LRMDA: variants seen among roughly 807,000 people sequenced by gnomAD.
LRMDA encodes leucine rich melanocyte differentiation associated.
Under a neutral mutation model 29.8 loss-of-function variants are expected in LRMDA, and 18 were observed. The ratio of observed to expected loss-of-function variants is 0.60; its 90% CI spans 0.42 to 0.90. The LOEUF is 0.90. LRMDA is among the 40% of genes least tolerant of loss of function. The probability of loss-of-function intolerance (pLI) is 0.00; values close to 1 mark genes in which losing one functional copy is unlikely to be tolerated. For missense variants in LRMDA, 273 were observed against 273.9 expected, an observed-to-expected ratio of 1.00 and a Z score of 0.02; for synonymous variants, 125 against 109.4, an observed-to-expected ratio of 1.14 and a Z score of -0.89.
At chr10:76,478,045 G>C (rs1326745939) in intron 6 of LRMDA, among the ~76,000 whole-genome samples, 1 of 152,100 alleles carries the variant, frequency 6.6e-6, no homozygotes, top group Non-Finnish European at 1.5e-5. Context: ...AGCCAAAATT[G>C]AGAAATGGGA....
At chr10:75,556,744 G>T (rs1840218687) in intron 2 of LRMDA, among the ~76,000 whole-genome samples, 2 of 134,436 alleles carry the variant, frequency 1.5e-5, no homozygotes, top group Non-Finnish European at 3.2e-5. Context: ...CCATGTGGTT[G>T]CATGATTGTT....
At chr10:76,000,372 C>T (rs1036024771) in intron 2 of LRMDA, among the ~76,000 whole-genome samples, 7 of 152,118 alleles carry the variant, frequency 4.6e-5, no homozygotes, top group African/African-American at 1.4e-4. Context: ...GCCTCCCTCC[C>T]GGTGGAGGTG....
At chr10:76,028,289 TG>T (rs1419539872) in intron 2 of LRMDA, among the ~76,000 whole-genome samples, 1 of 152,200 alleles carries the variant, frequency 6.6e-6, no homozygotes, top group East Asian at 1.9e-4. Context: ...CCAAGGTTTT[TG>T]GTCATTTTTC....
intron 6 of LRMDA, among the ~76,000 whole-genome samples, chr10:76,424,625 A>G (rs1842105160): frequency 6.6e-6 from 1 of 152,220 alleles, no homozygotes; most frequent in African/African-American, 2.4e-5. Context: ...TTGCAAAAAT[A>G]TCTTCACTTT....
At chr10:75,757,321 C>G (rs151025421) in intron 2 of LRMDA, among the ~76,000 whole-genome samples, 4 of 152,124 alleles carry the variant, frequency 2.6e-5, no homozygotes, top group Admixed American at 6.5e-5. Context: ...GGAAATTGTA[C>G]GAGAGGTTTG....
rs189206925 is a variant in LRMDA, at chr10:76,195,989, G to T, written c.517-128412G>T. On this transcript the variant is annotated intron_variant, in intron 5 of 6. Transcript: ENST00000611255. The stretch of plus-strand genomic sequence containing the variant: ...GAAAATACAAAACACCATTTAAATT[G>T]GGTTTAGATCCTTCATTTGCATGAA... Among the ~76,000 whole-genome samples the T allele has an allele frequency of 1.3e-3, 194 of 152,258 alleles. 1 individual carries two copies. Among genetic ancestry groups the T allele is most frequent in the East Asian group, 5.8e-4 (3 of 5,172 alleles).
chr10:76,329,631 A>G (rs887379894), intron 6 of LRMDA, among the ~76,000 whole-genome samples: 2 of 152,212 alleles, frequency 1.3e-5, no homozygotes, highest in African/African-American at 4.8e-5. Context: ...CTTCCTCTCC[A>G]ACCAGGGGCT....
At chr10:76,335,428 C>G (rs1411082616) in intron 6 of LRMDA, among the ~76,000 whole-genome samples, 1 of 152,040 alleles carries the variant, frequency 6.6e-6, no homozygotes, top group South Asian at 2.1e-4. Context: ...TAGGTTAGAT[C>G]CAAAGGAAGT....
chr10:75,543,834 G>A (rs1357422816), intron 2 of LRMDA, among the ~76,000 whole-genome samples: 1 of 151,986 alleles, frequency 6.6e-6, no homozygotes, highest in Non-Finnish European at 1.5e-5. Flanking sequence ...TTTTGTCTAT[G>A]AAACATGACA....
chr10:75,523,840 C>A (rs1564792068), intron 2 of LRMDA, among the ~76,000 whole-genome samples: 1 of 152,116 alleles, frequency 6.6e-6, no homozygotes, highest in Non-Finnish European at 1.5e-5. Flanking sequence ...CCTGAGGCAC[C>A]ATTCCCCTCA....
rs930249693 is a variant in LRMDA at position 76,392,269 on chromosome 10, C to T, written c.601+67784C>T. On this transcript the variant is annotated intron_variant, in intron 6 of 6. Transcript: ENST00000611255. ...CAGAGTTGGAAGGCTTGTAGGTCAA[C>T]GTAACAAACTTGTTCTATCTGCTGG... 2.6e-5 allele frequency among the ~76,000 whole-genome samples: 4 copies of T among 151,944 alleles called. No homozygotes were observed. The East Asian group carries it at 7.7e-4, about 29-fold the overall frequency.
chr10:75,491,516 C>T (rs765432566), intron 2 of LRMDA, among the ~76,000 whole-genome samples: 5 of 152,162 alleles, frequency 3.3e-5, no homozygotes, highest in Middle Eastern at 3.4e-3. Flanking sequence ...TTTAAGAAGC[C>T]GCCAGGGCCA....
At chr10:76,234,828 G>T (rs1355794483) in intron 5 of LRMDA, among the ~76,000 whole-genome samples, 1 of 152,150 alleles carries the variant, frequency 6.6e-6, no homozygotes, top group Non-Finnish European at 1.5e-5. Flanking sequence ...TTAGGCTTTG[G>T]CTTAAGGAAA....
chr10:75,834,374 G>A (rs1408803751), intron 2 of LRMDA, among the ~76,000 whole-genome samples: 4 of 152,136 alleles, frequency 2.6e-5, no homozygotes, highest in African/African-American at 7.2e-5. Flanking sequence ...TGACCCTTCT[G>A]AGTTATTTGC....
chr10:75,562,584 G>A (rs941843369), intron 2 of LRMDA, among the ~76,000 whole-genome samples: 9 of 152,064 alleles, frequency 5.9e-5, no homozygotes, highest in African/African-American at 2.2e-4. Context: ...GATGTTAGCT[G>A]GTTATTTTGC....
chr10:75,576,510 T>C lies in LRMDA; in HGVS notation c.131+138016T>C, dbSNP rs1332242491. 2.0e-5 allele frequency among the ~76,000 whole-genome samples: 3 copies of C among 152,226 alleles called. No homozygotes were observed. The East Asian group carries it at 5.8e-4, about 29-fold the overall frequency. On this transcript the variant is annotated intron_variant, in intron 2 of 6. Transcript: ENST00000611255. Reference sequence around the variant, plus strand: ...GAGCAGCAGATCTCCCAGCACAGCGTTGGAGCTCTGATAAGGGACAGACTG... The same window carrying C: ...GAGCAGCAGATCTCCCAGCACAGCGCTGGAGCTCTGATAAGGGACAGACTG...
chr10:75,950,150 C>A (rs181080844), intron 2 of LRMDA, among the ~76,000 whole-genome samples: 182 of 152,288 alleles, frequency 1.2e-3, no homozygotes, highest in Middle Eastern at 3.4e-3. Flanking sequence ...GCTGGGGTCA[C>A]CCCCCTTCCT....
intron 5 of LRMDA, among the ~76,000 whole-genome samples, chr10:76,121,121 G>C (rs574883516): frequency 2.6e-5 from 4 of 151,682 alleles, no homozygotes; most frequent in Middle Eastern, 3.4e-3. Context: ...ATCTCAATTT[G>C]CCAGCTCTAG....
At chr10:76,241,132 G>A (rs1174736965) in intron 5 of LRMDA, among the ~76,000 whole-genome samples, 1 of 151,914 alleles carries the variant, frequency 6.6e-6, no homozygotes, top group East Asian at 1.9e-4. Context: ...GGGTGGTGAG[G>A]GATAAAAGAC....
Sources: allele counts gnomAD v4.1 joint callset (sites outside exome capture counted in the v4.1 genomes callset), GRCh38; gene constraint gnomAD v4.1.1; transcripts MANE v1.5; gene names NCBI Gene and HGNC (gene_info 2026-07-23, HGNC 2026-07-21).